DPP10: variants seen among roughly 807,000 people sequenced by gnomAD.
DPP10 encodes the protein dipeptidyl peptidase like 10.
A neutral mutation model predicts 120.9 loss-of-function variants in DPP10; 33 were observed. The ratio of observed to expected loss-of-function variants is 0.27; its 90% CI spans 0.21 to 0.37. The LOEUF is 0.37. Ranked by LOEUF, DPP10 falls within the 10% of genes least tolerant of loss-of-function variation. The pLI is 1.00. For synonymous variants in DPP10, 337 were observed against 326.1 expected, an observed-to-expected ratio of 1.03 and a Z score of -0.36; for missense variants, 816 against 942.8, an observed-to-expected ratio of 0.87 and a Z score of 1.76.
chr2:114,713,574 C>A (rs1398219025), intron 1 of DPP10, among the ~76,000 whole-genome samples: 1 of 152,190 alleles, frequency 6.6e-6, no homozygotes, highest in Non-Finnish European at 1.5e-5. Flanking sequence ...GTATGTCACT[C>A]ACCTTCTAAC....
chr2:114,624,927 A>C (rs1694400094), intron 1 of DPP10, among the ~76,000 whole-genome samples: 1 of 151,998 alleles, frequency 6.6e-6, no homozygotes, highest in South Asian at 2.1e-4. Context: ...AATTGAAGCA[A>C]GTTCCAAAGA....
chr2:114,770,170 G>C (rs200249709), intron 1 of DPP10, among the ~76,000 whole-genome samples: 2 of 152,192 alleles, frequency 1.3e-5, no homozygotes, highest in East Asian at 3.9e-4. Flanking sequence ...TCCCCTAAAG[G>C]CAGCAGTTGT....
At chr2:114,505,079 A>T (rs193095052) in intron 1 of DPP10, among the ~76,000 whole-genome samples, 1 of 149,068 alleles carries the variant, frequency 6.7e-6, no homozygotes, top group African/African-American at 2.4e-5. Flanking sequence ...AAAAAAAAGA[A>T]GGAAACTGAG....
intron 5 of DPP10, among the ~76,000 whole-genome samples, chr2:115,654,424 G>A (rs1046764132): frequency 6.6e-6 from 1 of 151,728 alleles, no homozygotes; most frequent in Non-Finnish European, 1.5e-5. Flanking sequence ...ATAAAACTAA[G>A]CACATAATTT....
At chr2:115,257,886 A>C (rs2059076141) in intron 1 of DPP10, among the ~76,000 whole-genome samples, 1 of 152,222 alleles carries the variant, frequency 6.6e-6, no homozygotes, top group Non-Finnish European at 1.5e-5. Context: ...ATTGAATTCA[A>C]AGTTATAAAG....
rs189697702 is a variant in DPP10, at chr2:114,648,174, C to T, written c.60+205336C>T. On this transcript the variant is annotated intron_variant, in intron 1 of 25. Coordinates refer to ENST00000410059, the MANE Select transcript of DPP10 (RefSeq NM_020868.6). ...CTTCTACGTGACTCCCACTCTCGTC[C>T]TCCCCATGACACTTGAGTGACAAGG... Among the ~76,000 whole-genome samples the T allele has an allele frequency of 4.3e-4, 65 of 152,282 alleles. 3 individuals carry two copies. In the East Asian group the frequency reaches 8.7e-3, roughly 20 times the overall value.
chr2:114,469,283 T>C (rs1425121314), intron 1 of DPP10, among the ~76,000 whole-genome samples: 3 of 152,204 alleles, frequency 2.0e-5, no homozygotes, highest in African/African-American at 4.8e-5. Flanking sequence ...GTTGCTCAAA[T>C]GGACTAAATG....
intron 19 of DPP10, among the ~76,000 whole-genome samples, chr2:115,794,089 T>A (rs944758024): frequency 1.6e-4 from 24 of 152,136 alleles, no homozygotes; most frequent in Non-Finnish European, 2.8e-4. Flanking sequence ...AATTATTATT[T>A]TTTTCGCAAA....
intron 1 of DPP10, among the ~76,000 whole-genome samples, chr2:114,457,396 C>T (rs1382423265): frequency 2.0e-5 from 3 of 152,114 alleles, no homozygotes; most frequent in African/African-American, 4.8e-5. Flanking sequence ...AGTGTCCTCT[C>T]GGGAGCAGAA....
chr2:115,518,315 CTTT>C (rs1216106789), intron 4 of DPP10, among the ~76,000 whole-genome samples: 5 of 151,950 alleles, frequency 3.3e-5, no homozygotes, highest in African/African-American at 1.2e-4. Context: ...AATTAAATAT[CTTT>C]TTTATTTGTT....
chr2:115,546,456 T>C (rs1304865339), intron 5 of DPP10, among the ~76,000 whole-genome samples: 2 of 152,164 alleles, frequency 1.3e-5, no homozygotes, highest in East Asian at 1.9e-4. Context: ...ATAGAAAATG[T>C]ATTTTCTTTC....
At chr2:115,636,192 G>C (rs2086317581) in intron 5 of DPP10, among the ~76,000 whole-genome samples, 1 of 150,636 alleles carries the variant, frequency 6.6e-6, no homozygotes, top group Admixed American at 6.6e-5. Flanking sequence ...GGTATGCTTT[G>C]CGAGACAGCT....
chr2:115,554,127 C>A (rs2080062025), intron 5 of DPP10, among the ~76,000 whole-genome samples: 2 of 151,578 alleles, frequency 1.3e-5, no homozygotes, highest in Admixed American at 1.3e-4. Context: ...TGTCTACTCC[C>A]AAAACTACTA....
At chr2:115,539,311 A>G (rs1039770001) in intron 5 of DPP10, among the ~76,000 whole-genome samples, 1 of 151,990 alleles carries the variant, frequency 6.6e-6, no homozygotes, top group Non-Finnish European at 1.5e-5. Context: ...TATATTTCTA[A>G]GCATAAAACT....
chr2:115,294,509 T>C (rs1381231494), intron 1 of DPP10, among the ~76,000 whole-genome samples: 1 of 152,002 alleles, frequency 6.6e-6, no homozygotes, highest in Non-Finnish European at 1.5e-5. Context: ...CTTTCTTTTG[T>C]TTTTTGCTTT....
At chr2:115,161,373 C>T (rs1247754122) in intron 1 of DPP10, 1 of 152,192 alleles carries the variant, frequency 6.6e-6, no homozygotes, top group African/African-American at 2.4e-5. Context: ...CACGGGCGCG[C>T]TCCGCTTCTC....
intron 1 of DPP10, among the ~76,000 whole-genome samples, chr2:114,956,516 T>A (rs1205542839): frequency 2.9e-5 from 4 of 140,238 alleles, no homozygotes; most frequent in Non-Finnish European, 6.3e-5. Flanking sequence ...TAAATATCCA[T>A]CCTACCCAAA....
chr2:115,837,748 C>T (rs1447708709), intron 24 of DPP10, among the ~76,000 whole-genome samples: 2 of 151,974 alleles, frequency 1.3e-5, no homozygotes, highest in Non-Finnish European at 2.9e-5. Flanking sequence ...ATACATAACA[C>T]CAGTCTAACC....
intron 1 of DPP10, among the ~76,000 whole-genome samples, chr2:114,946,412 A>G (rs1367285254): frequency 2.0e-5 from 3 of 152,164 alleles, no homozygotes; most frequent in Non-Finnish European, 4.4e-5. Flanking sequence ...CTGTTTTACA[A>G]TGTGAAAATA....
Sources: allele counts gnomAD v4.1 joint callset (sites outside exome capture counted in the v4.1 genomes callset), GRCh38; gene constraint gnomAD v4.1.1; transcripts MANE v1.5; gene names NCBI Gene and HGNC (gene_info 2026-07-23, HGNC 2026-07-21).